The following POLB variants were observed in gnomAD, a reference collection of about 807,000 sequenced individuals.
POLB encodes the protein DNA polymerase beta.
POLB carries 37 observed loss-of-function variants against 52.7 expected under a neutral mutation model. The ratio of observed to expected loss-of-function variants is 0.70; its 90% confidence interval spans 0.54 to 0.92. The LOEUF (loss-of-function observed/expected upper bound fraction) is 0.92. Ranked by LOEUF, POLB falls within the 40% of genes least tolerant of loss-of-function variation. The probability of loss-of-function intolerance (pLI) is 0.00; values close to 1 mark genes in which losing one functional copy is unlikely to be tolerated. For synonymous variants in POLB, 138 were observed against 131.3 expected (o/e 1.05, Z -0.35); for missense variants, 313 against 400.8 (o/e 0.78, Z 1.87).
intron 2 of POLB, 126 bp downstream of exon 2, chr8:42,339,195 G>A: frequency 1.3e-6 from 1 of 760,262 alleles, no homozygotes; most frequent in Non-Finnish European, 2.4e-6. Flanking sequence ...AGCAAGAATC[G>A]AGGCTGGTAC....
rs150539042 is a variant in POLB at position 42,370,016 on chromosome 8, C to T, written c.913+28C>T. ...GAGTGTCCATGTGTGTATTAGAGATCATCTCTCATCTGGAGAGAAGGTTAT... is the reference window on the plus strand; with the variant it reads ...GAGTGTCCATGTGTGTATTAGAGATTATCTCTCATCTGGAGAGAAGGTTAT... On this transcript the variant is annotated intron_variant, in intron 13 of 13. Coordinates refer to ENST00000265421, the MANE Select transcript of POLB (RefSeq NM_002690.3). The T allele has an allele frequency of 4.3e-5, 67 of 1,554,048 alleles. 1 individual carries two copies. The East Asian group carries it at 1.5e-3, about 34-fold the overall frequency.
At chr8:42,350,605 A>G (rs573862171) in intron 5 of POLB, among the ~76,000 whole-genome samples, 2 of 152,074 alleles carry the variant, frequency 1.3e-5, no homozygotes, top group Non-Finnish European at 2.9e-5. Flanking sequence ...AGGGATTATT[A>G]TCTTAAAATT....
chr8:42,344,948 T>C lies in POLB; in HGVS notation c.120-5T>C. The C allele has an allele frequency of 6.3e-7, 1 of 1,577,208 alleles. No individual in the cohort carries two copies. The highest frequency in any genetic ancestry group is 8.7e-7 in the Non-Finnish European group (1 of 1,146,886). ...ATTGGTTTTCCTTTTCTTCTTTCCTTATAGAAAAGCAGCATCTGTTATAGC... is the reference window on the plus strand; with the variant it reads ...ATTGGTTTTCCTTTTCTTCTTTCCTCATAGAAAAGCAGCATCTGTTATAGC... On this transcript the variant is annotated splice_region_variant and splice_polypyrimidine_tract_variant and intron_variant, in intron 2 of 13. Transcript: ENST00000265421.
At position 42,362,696 on chromosome 8, in the gene POLB, A is replaced by G. The variant is rs747596656; in HGVS notation, c.706A>G (p.Met236Val). The change falls in exon 11 of 14, where the codon ATG (methionine) becomes GTG (valine). Residue 236 changes from methionine to valine, a missense_variant and splice_region_variant. Coordinates refer to ENST00000265421, the MANE Select transcript of POLB (RefSeq NM_002690.3). ...DTLSKGETKFMGVCQLPSKND... is the reference protein window; with the variant it reads ...DTLSKGETKFVGVCQLPSKND... ...CCTGTCAAAGGGTGAGACAAAGTTC[A>G]TGGTAAGTACTTGTTAGAGTTAGCA... is the stretch of plus-strand genomic sequence containing the variant. 2.3e-5 allele frequency: 36 copies of G among 1,574,988 alleles called. No homozygotes were observed. Among genetic ancestry groups the G allele is most frequent in the Non-Finnish European group, 3.1e-5 (35 of 1,145,056 alleles).
rs146147450 is a variant in POLB at position 42,370,919 on chromosome 8, A to G, written c.914-644A>G. ...GGCCATGGTTGGATAAGCTTGTTCTAGATAATGCCAGTGCTGCTAGTCCAA... is the reference window on the plus strand; with the variant it reads ...GGCCATGGTTGGATAAGCTTGTTCTGGATAATGCCAGTGCTGCTAGTCCAA... On this transcript the variant is annotated intron_variant, in intron 13 of 13. Transcript: ENST00000265421. Among the ~76,000 whole-genome samples the G allele has an allele frequency of 3.7e-3, 565 of 152,342 alleles. 12 individuals are homozygous for G. Among genetic ancestry groups the G allele is most frequent in the East Asian group, 2.7e-3 (14 of 5,194 alleles).
chr8:42,361,264 A>C, intron 9 of POLB, 31 bp from the exon 10 acceptor site: 2 of 1,528,340 alleles, frequency 1.3e-6, no homozygotes, highest in Non-Finnish European at 1.8e-6. Flanking sequence ...ATTTACATGG[A>C]CAATCTCATA....
chr8:42,355,633 A>G, intron 7 of POLB, 66 bp downstream of exon 7: 1 of 934,648 alleles, frequency 1.1e-6, no homozygotes, highest in Non-Finnish European at 1.7e-6. Flanking sequence ...ACATTCTTTT[A>G]TACACCAGAA....
chr8:42,368,636 G>C (rs1181624019), intron 11 of POLB, among the ~76,000 whole-genome samples: 1 of 152,172 alleles, frequency 6.6e-6, no homozygotes, highest in Non-Finnish European at 1.5e-5. Context: ...TTTGGAAATT[G>C]TAGAAGTATA....
At chr8:42,369,514 C>T in intron 12 of POLB, 179 bp downstream of exon 12, 2 of 532,116 alleles carry the variant, frequency 3.8e-6, no homozygotes, top group South Asian at 3.1e-5. Context: ...TAATGACTGT[C>T]TACAGACTCC....
chr8:42,349,896 C>A, intron 4 of POLB, 111 bp from the exon 5 acceptor site: 1 of 743,198 alleles, frequency 1.3e-6, no homozygotes, highest in Non-Finnish European at 2.4e-6. Context: ...GTCACCCAGG[C>A]AAATGTAAAT....
At chr8:42,352,116 A>G (rs1242937625) in intron 5 of POLB, among the ~76,000 whole-genome samples, 1 of 152,128 alleles carries the variant, frequency 6.6e-6, no homozygotes, top group Non-Finnish European at 1.5e-5. Context: ...TAATTTATCC[A>G]TCTGATTTTT....
rs1822271204 is a variant in POLB, at chr8:42,342,531, G to A, written c.120-2422G>A. On this transcript the variant is annotated intron_variant, in intron 2 of 13. Coordinates refer to ENST00000265421, the MANE Select transcript of POLB (RefSeq NM_002690.3). The stretch of plus-strand genomic sequence containing the variant: ...ATTTATTTTTATCCTGTATTACCAA[G>A]CGTTTCTGAGCATAGTAATCAGTTT... 7.3e-6 allele frequency: 6 copies of A among 824,092 alleles called. No homozygotes were observed. The South Asian group carries it at 8.2e-5, about 11-fold the overall frequency. 51.0% of individuals were successfully genotyped at this position (824,092 alleles called of 1,614,324 possible). A position where few individuals can be genotyped will look rare whatever the true frequency, so the allele number is the denominator to read the frequency against.
At chr8:42,339,363 G>A in intron 2 of POLB, 1 of 417,652 alleles carries the variant, frequency 2.4e-6, no homozygotes, top group Non-Finnish European at 4.4e-6. Flanking sequence ...ATGAAAGACA[G>A]CGGATGAAGT....
intron 6 of POLB, among the ~76,000 whole-genome samples, chr8:42,354,932 C>T (rs1329377785): frequency 6.6e-6 from 1 of 152,060 alleles, no homozygotes; most frequent in African/African-American, 2.4e-5. Context: ...TATGAATAAA[C>T]CTAGTTAATC....
intron 2 of POLB, among the ~76,000 whole-genome samples, chr8:42,341,594 G>A (rs1174424102): frequency 6.6e-6 from 1 of 152,168 alleles, no homozygotes; most frequent in Non-Finnish European, 1.5e-5. Flanking sequence ...TACCGTCAGC[G>A]AGCTCCCAGG....
At chr8:42,350,245 A>T (rs1272981156) in intron 5 of POLB, among the ~76,000 whole-genome samples, 180 bp downstream of exon 5, 1 of 152,106 alleles carries the variant, frequency 6.6e-6, no homozygotes, top group African/African-American at 2.4e-5. Context: ...TCTCTACTGT[A>T]AGGTCCCCAT....
At chr8:42,346,828 A>G (rs1797308184) in intron 3 of POLB, among the ~76,000 whole-genome samples, 1 of 152,234 alleles carries the variant, frequency 6.6e-6, no homozygotes, top group African/African-American at 2.4e-5. Flanking sequence ...CTCAGTACAA[A>G]TCATGCTCTG....
At chr8:42,344,348 A>G (rs2130783030) in intron 2 of POLB, among the ~76,000 whole-genome samples, 1 of 151,844 alleles carries the variant, frequency 6.6e-6, no homozygotes, top group South Asian at 2.1e-4. Context: ...GGGTACCTAT[A>G]ATCCCAGCAA....
chr8:42,361,200 G>A lies in POLB; in HGVS notation c.551-95G>A, dbSNP rs1823657819. On this transcript the variant is annotated intron_variant, in intron 9 of 13. Coordinates refer to ENST00000265421, the MANE Select transcript of POLB (RefSeq NM_002690.3). ...AGTGAAATAGAAAGTTAGGCTGTAA[G>A]AAGTAAGGCTCTTCTGTGTGTCATC... 3.6e-6 allele frequency: 3 copies of A among 830,982 alleles called. No individual in the cohort carries two copies. In the Admixed American group the frequency reaches 5.5e-5, roughly 15 times the overall value. The allele number at this position is 830,982 out of a possible 1,614,324, so 51.5% of individuals were successfully genotyped here.
Sources: allele counts gnomAD v4.1 joint callset (sites outside exome capture counted in the v4.1 genomes callset), GRCh38; gene constraint gnomAD v4.1.1; transcripts MANE v1.5; gene names NCBI Gene and HGNC (gene_info 2026-07-23, HGNC 2026-07-21).